Variants in HSDL1 observed in about 807,000 individuals in gnomAD.
HSDL1 encodes the protein hydroxysteroid dehydrogenase like 1.
Under a neutral mutation model 31.5 loss-of-function variants are expected in HSDL1, and 29 were observed. The ratio of observed to expected loss-of-function variants is 0.92; its 90% CI spans 0.69 to 1.26. The LOEUF (loss-of-function observed/expected upper bound fraction) is 1.26. Ranked by LOEUF, HSDL1 falls within the 50% of genes most tolerant of loss-of-function variation. The probability of loss-of-function intolerance (pLI) is 0.00; values close to 1 mark genes in which losing one functional copy is unlikely to be tolerated. For synonymous variants in HSDL1, 222 were observed against 155.2 expected, an observed-to-expected ratio of 1.43 and a Z score of -3.20; for missense variants, 503 against 416.6, an observed-to-expected ratio of 1.21 and a Z score of -1.81.
chr16:84,136,601 C>T (rs2086714724), intron 1 of HSDL1, among the ~76,000 whole-genome samples: 1 of 152,232 alleles, frequency 6.6e-6, no homozygotes, highest in African/African-American at 2.4e-5. Flanking sequence ...GGACCTCCCA[C>T]TCAGGCCAGC....
rs1204325039 is a variant in HSDL1 at position 84,126,051 on chromosome 16, C to T, written c.895-1323G>A. Among the ~76,000 whole-genome samples the T allele has an allele frequency of 4.7e-5, 7 of 149,712 alleles. No individual in the cohort carries two copies. In the South Asian group the frequency reaches 6.3e-4, roughly 14 times the overall value. ...CGGGGAGGCGGAGCTTGCAGTGAGC[C>T]GAGATCGCGGCACTGCACTCCAGCC... On this transcript the variant is annotated intron_variant, in intron 5 of 5. Coordinates refer to ENST00000219439, the MANE Select transcript of HSDL1 (RefSeq NM_031463.5).
chr16:84,139,677 G>C (rs2086747226), intron 1 of HSDL1, among the ~76,000 whole-genome samples: 2 of 152,156 alleles, frequency 1.3e-5, no homozygotes, highest in Middle Eastern at 3.2e-3. Context: ...TGGATGAACA[G>C]TCAGTTCAGC....
At chr16:84,125,014 A>G in intron 5 of HSDL1, 1 of 237,436 alleles carries the variant, frequency 4.2e-6, no homozygotes, top group East Asian at 8.8e-5. Flanking sequence ...CAATCACAAT[A>G]CCCACCAATC....
intron 1 of HSDL1, among the ~76,000 whole-genome samples, chr16:84,140,570 G>A (rs183014495): frequency 1.3e-5 from 2 of 152,068 alleles, no homozygotes; most frequent in East Asian, 1.9e-4. Context: ...TGGCAAAAAT[G>A]TTTAAATATA....
At chr16:84,133,256 C>T (rs992908767) in intron 2 of HSDL1, among the ~76,000 whole-genome samples, 2 of 152,050 alleles carry the variant, frequency 1.3e-5, no homozygotes, top group Non-Finnish European at 2.9e-5. Context: ...GTGTGAATTA[C>T]AAATCAACAA....
At position 84,129,556 on chromosome 16, in the gene HSDL1, AATGGGACC is replaced by A; in HGVS notation, c.878_885del (p.Trp293PhefsTer12). The A allele has an allele frequency of 6.2e-7, 1 of 1,611,984 alleles. No homozygotes were observed. The highest frequency in any genetic ancestry group is 1.1e-5 in the South Asian group (1 of 91,050). On this transcript the variant is annotated frameshift_variant, in exon 5 of 6. Coordinates refer to ENST00000219439, the MANE Select transcript of HSDL1 (RefSeq NM_031463.5). LOFTEE classifies it high-confidence loss of function. ...CTGAAGCACACTCCTACCTGAATAGAATGGGACCAATATCCTGTGGTCCTTTTGGAAAT... is the reference window on the plus strand; with the variant it reads ...CTGAAGCACACTCCTACCTGAATAGAAATATCCTGTGGTCCTTTTGGAAAT...
At chr16:84,130,550 G>A (rs2086653641) in intron 3 of HSDL1, 119 bp from the exon 4 acceptor site, 2 of 782,634 alleles carry the variant, frequency 2.6e-6, no homozygotes, top group South Asian at 1.7e-5. Flanking sequence ...AATCAAGTCG[G>A]TTCTAGTATC....
intron 5 of HSDL1, among the ~76,000 whole-genome samples, chr16:84,125,480 C>A (rs536558957): frequency 6.6e-6 from 1 of 150,456 alleles, no homozygotes; most frequent in South Asian, 2.1e-4. Flanking sequence ...CAATAAATAC[C>A]CACCAATCGA....
At chr16:84,144,168 T>G (rs2086809099) in intron 1 of HSDL1, 3 of 151,958 alleles carry the variant, frequency 2.0e-5, no homozygotes, top group African/African-American at 7.3e-5. Context: ...TCCTATTGTC[T>G]CACTTTATTC....
At chr16:84,129,248 C>G (rs370186606) in intron 5 of HSDL1, among the ~76,000 whole-genome samples, 1 of 151,860 alleles carries the variant, frequency 6.6e-6, no homozygotes, top group South Asian at 2.1e-4. Context: ...GGCGTGGTGG[C>G]AGGTGCCTGT....
intron 1 of HSDL1, among the ~76,000 whole-genome samples, chr16:84,142,818 G>C (rs1180903809): frequency 1.3e-5 from 2 of 152,066 alleles, no homozygotes; most frequent in African/African-American, 4.8e-5. Context: ...ACTGCTTTGT[G>C]TTCAAAGCTC....
chr16:84,143,207 T>A (rs1427335672), intron 1 of HSDL1, among the ~76,000 whole-genome samples: 1 of 152,080 alleles, frequency 6.6e-6, no homozygotes, highest in African/African-American at 2.4e-5. Flanking sequence ...AAAATGTCCA[T>A]CAACAAATGA....
At chr16:84,141,684 C>T (rs977959858) in intron 1 of HSDL1, among the ~76,000 whole-genome samples, 3 of 152,228 alleles carry the variant, frequency 2.0e-5, no homozygotes, top group Non-Finnish European at 4.4e-5. Context: ...TCACCTTCTG[C>T]CAACAGGGTG....
At chr16:84,136,700 C>A (rs1461693832) in intron 1 of HSDL1, among the ~76,000 whole-genome samples, 2 of 152,264 alleles carry the variant, frequency 1.3e-5, no homozygotes, top group Non-Finnish European at 2.9e-5. Context: ...TCAACGCCCC[C>A]ACTAGACACC....
At chr16:84,144,770 G>A (rs1397353208) in intron 1 of HSDL1, among the ~76,000 whole-genome samples, 1 of 151,064 alleles carries the variant, frequency 6.6e-6, no homozygotes, top group African/African-American at 2.4e-5. Flanking sequence ...GAGAACAGGG[G>A]TGCAGCGCCG....
At chr16:84,136,763 T>C (rs746915807) in intron 1 of HSDL1, among the ~76,000 whole-genome samples, 8 of 152,146 alleles carry the variant, frequency 5.3e-5, no homozygotes, top group Non-Finnish European at 1.0e-4. Flanking sequence ...TAAACGTGTG[T>C]TAATATTATT....
At chr16:84,144,295 A>C (rs1467608946) in intron 1 of HSDL1, 1 of 152,284 alleles carries the variant, frequency 6.6e-6, no homozygotes, top group African/African-American at 2.4e-5. Context: ...GGCTACCTGC[A>C]ATTCAGATGG....
At chr16:84,135,252 A>G (rs1367260587) in intron 2 of HSDL1, among the ~76,000 whole-genome samples, 1 of 152,090 alleles carries the variant, frequency 6.6e-6, no homozygotes, top group Non-Finnish European at 1.5e-5. Flanking sequence ...AAAAGAAAAA[A>G]AAAAAAAGAA....
chr16:84,124,784 G>T, intron 5 of HSDL1, 56 bp from the exon 6 acceptor site: 1 of 1,180,406 alleles, frequency 8.5e-7, no homozygotes, highest in East Asian at 2.4e-5. Flanking sequence ...AACACTGAAG[G>T]AACAAGTACA....
Sources: gnomAD v4.1 joint callset for allele counts (sites outside exome capture counted in the v4.1 genomes callset) on GRCh38, gnomAD v4.1.1 for gene constraint, MANE v1.5 for transcripts, NCBI Gene and HGNC (gene_info 2026-07-23, HGNC 2026-07-21) for gene names.